Variants in CDH13 observed in about 807,000 individuals in gnomAD.
CDH13 encodes cadherin 13.
In CDH13, 24 loss-of-function variants were observed where a neutral mutation model predicts 63.8. The ratio of observed to expected loss-of-function variants is 0.38; its 90% confidence interval spans 0.27 to 0.53. The LOEUF (loss-of-function observed/expected upper bound fraction) is 0.53, where lower values mean the gene tolerates loss of function less well. Ranked by LOEUF, CDH13 falls within the 20% of genes least tolerant of loss-of-function variation. CDH13 has a pLI of 0.85. For synonymous variants in CDH13, 503 were observed against 355.3 expected (o/e 1.42, Z -4.67); for missense variants, 1,049 against 903.1 (o/e 1.16, Z -2.07).
intron 8 of CDH13, among the ~76,000 whole-genome samples, chr16:83,646,335 G>A (rs1044795626): frequency 9.2e-5 from 14 of 152,160 alleles, no homozygotes; most frequent in African/African-American, 3.4e-4. Context: ...GTAATCGTTA[G>A]CTGTGATTAT....
At chr16:83,266,605 T>C (rs186306935) in intron 5 of CDH13, among the ~76,000 whole-genome samples, 22 of 152,278 alleles carry the variant, frequency 1.4e-4, no homozygotes, top group Admixed American at 1.1e-3. Flanking sequence ...CTCCAGGGAA[T>C]ACCTAAAAAA....
intron 4 of CDH13, among the ~76,000 whole-genome samples, chr16:83,134,166 T>C (rs993967072): frequency 6.6e-6 from 1 of 152,184 alleles, no homozygotes; most frequent in East Asian, 1.9e-4. Flanking sequence ...TCAACTATTA[T>C]GTCAGGTCAT....
chr16:82,960,004 C>A (rs556172667), intron 2 of CDH13, among the ~76,000 whole-genome samples: 2 of 152,084 alleles, frequency 1.3e-5, no homozygotes, highest in African/African-American at 2.4e-5. Context: ...TTTTCCAGAG[C>A]GGCTATACCA....
intron 2 of CDH13, among the ~76,000 whole-genome samples, chr16:83,025,821 A>G (rs1338220981): frequency 2.0e-5 from 3 of 152,190 alleles, no homozygotes; most frequent in Non-Finnish European, 2.9e-5. Context: ...GCACCTTGAC[A>G]AAGAGTTTAT....
intron 1 of CDH13, among the ~76,000 whole-genome samples, chr16:82,703,630 C>G (rs116641498): frequency 1.3e-5 from 2 of 152,058 alleles, no homozygotes; most frequent in African/African-American, 2.4e-5. Context: ...TACTTACATT[C>G]GAGAACTAAT....
At chr16:83,301,823 T>G (rs934132888) in intron 5 of CDH13, among the ~76,000 whole-genome samples, 5 of 150,506 alleles carry the variant, frequency 3.3e-5, no homozygotes, top group African/African-American at 1.2e-4. Context: ...GTCACCACTA[T>G]TCATTTTACA....
chr16:83,368,187 T>A lies in CDH13; in HGVS notation c.781+23181T>A, dbSNP rs142160070. Among the ~76,000 whole-genome samples, 1,402 of 152,366 alleles carry A rather than the reference T, an allele frequency of 9.2e-3. 17 individuals are homozygous for A. Among genetic ancestry groups the A allele is most frequent in the African/African-American group, 0.031 (1,295 of 41,584 alleles). On this transcript the variant is annotated intron_variant, in intron 6 of 13. Coordinates refer to ENST00000567109, the MANE Select transcript of CDH13 (RefSeq NM_001257.5). ...TTATTATGCTTATTTTATGTCTTCA[T>A]TTATTTGCTCAAATCTCGTAGTAGA...
chr16:83,410,598 A>T (rs11645449), intron 6 of CDH13, among the ~76,000 whole-genome samples: 34,689 of 151,922 alleles, frequency 0.23, 4,185 homozygotes, highest in Middle Eastern at 0.35. Flanking sequence ...TGGTCATGCA[A>T]TGCTATCATA....
At chr16:82,786,913 C>T (rs772521763) in intron 1 of CDH13, among the ~76,000 whole-genome samples, 58 of 152,080 alleles carry the variant, frequency 3.8e-4, no homozygotes, top group Non-Finnish European at 7.6e-4. Flanking sequence ...GGGTATTGGA[C>T]AAGGGTCATG....
Position 82,890,382 on chromosome 16 carries a change from C to T in CDH13, c.157+31909C>T, listed in dbSNP as rs922729136. Among the ~76,000 whole-genome samples, 4 of 152,160 alleles carry T rather than the reference C, an allele frequency of 2.6e-5. No homozygotes were observed. In the South Asian group the frequency reaches 8.3e-4, roughly 32 times the overall value. On this transcript the variant is annotated intron_variant, in intron 2 of 13. Transcript: ENST00000567109. ...CACTCACCACCATCTCCAGCCTCAG[C>T]CTTCTTGGAAGGCCCCAGACTTAAT...
At chr16:83,412,716 G>A (rs1472594460) in intron 6 of CDH13, among the ~76,000 whole-genome samples, 1 of 152,172 alleles carries the variant, frequency 6.6e-6, no homozygotes, top group Non-Finnish European at 1.5e-5. Context: ...TCTTACCCAT[G>A]GTTCCTAATA....
At chr16:83,401,506 C>T (rs375508873) in intron 6 of CDH13, among the ~76,000 whole-genome samples, 40 of 151,934 alleles carry the variant, frequency 2.6e-4, no homozygotes, top group African/African-American at 6.5e-4. Flanking sequence ...AGCAAGACTC[C>T]GTCTCAAAAT....
At chr16:83,149,779 G>A (rs186999749) in intron 4 of CDH13, among the ~76,000 whole-genome samples, 9 of 152,226 alleles carry the variant, frequency 5.9e-5, no homozygotes, top group South Asian at 4.1e-4. Context: ...TTGCACCAGC[G>A]GTACATATCT....
At chr16:83,462,960 G>T (rs540679407) in intron 6 of CDH13, among the ~76,000 whole-genome samples, 1 of 152,210 alleles carries the variant, frequency 6.6e-6, no homozygotes, top group South Asian at 2.1e-4. Context: ...GGAAGCTATG[G>T]TCTTGTAGCT....
At chr16:82,768,720 T>A (rs2035153128) in intron 1 of CDH13, among the ~76,000 whole-genome samples, 1 of 152,136 alleles carries the variant, frequency 6.6e-6, no homozygotes, top group Admixed American at 6.6e-5. Flanking sequence ...TTTCCATTGG[T>A]TGAGGGATAT....
chr16:82,812,565 G>A (rs560945983), intron 1 of CDH13, among the ~76,000 whole-genome samples: 8 of 152,084 alleles, frequency 5.3e-5, no homozygotes, highest in Non-Finnish European at 2.9e-5. Context: ...ACTCAAAGTC[G>A]CAAGAGAACA....
chr16:83,763,248 G>C (rs1299156553), intron 11 of CDH13, among the ~76,000 whole-genome samples: 1 of 152,140 alleles, frequency 6.6e-6, no homozygotes, highest in Non-Finnish European at 1.5e-5. Context: ...AGGCATAACA[G>C]CTGTAAAATT....
At chr16:82,958,953 G>C (rs1906541787) in intron 2 of CDH13, among the ~76,000 whole-genome samples, 1 of 152,252 alleles carries the variant, frequency 6.6e-6, no homozygotes, top group African/African-American at 2.4e-5. Flanking sequence ...GGTGCAGAAA[G>C]AGAAGACTGA....
chr16:83,219,792 G>A lies in CDH13; in HGVS notation c.636+2295G>A, dbSNP rs554575986. Among the ~76,000 whole-genome samples, 151 of 152,304 alleles carry A rather than the reference G, an allele frequency of 9.9e-4. 1 individual carries two copies. The highest frequency in any genetic ancestry group is 3.1e-3 in the African/African-American group (129 of 41,566). ...TGAGTGCTTATAGGGTAAGGGACAC[G>A]CTTCAAGGTGTTCGGAGGATACAGT... On this transcript the variant is annotated intron_variant, in intron 5 of 13. Coordinates refer to ENST00000567109, the MANE Select transcript of CDH13 (RefSeq NM_001257.5).
Sources: allele counts gnomAD v4.1 joint callset (sites outside exome capture counted in the v4.1 genomes callset), GRCh38; gene constraint gnomAD v4.1.1; transcripts MANE v1.5; gene names NCBI Gene and HGNC (gene_info 2026-07-23, HGNC 2026-07-21).